Variants in CFI observed in about 807,000 individuals in gnomAD.
CFI encodes the protein C3B/C4B inactivator.
CFI carries 66 observed loss-of-function variants against 78.8 expected under a neutral mutation model. That is an observed-to-expected ratio of 0.84 (90% confidence interval 0.69 to 1.03). The LOEUF (loss-of-function observed/expected upper bound fraction) is 1.03. Ranked by LOEUF, CFI falls within the 50% of genes least tolerant of loss-of-function variation. The pLI is 0.00. For missense variants in CFI, 706 were observed against 704.5 expected (o/e 1.00, Z -0.02); for synonymous variants, 250 against 232.6 (o/e 1.07, Z -0.68).
chr4:109,763,888 C>T (rs1017138304), intron 3 of CFI, among the ~76,000 whole-genome samples: 2 of 150,620 alleles, frequency 1.3e-5, no homozygotes, highest in African/African-American at 4.9e-5. Flanking sequence ...AAGAAAACTT[C>T]TAAATTACAT....
chr4:109,777,919 G>A (rs1252610277), intron 1 of CFI, among the ~76,000 whole-genome samples: 1 of 152,142 alleles, frequency 6.6e-6, no homozygotes, highest in East Asian at 1.9e-4. Context: ...AAATAAAGAT[G>A]TTCTTTGAAA....
rs915916711 is a variant in CFI at position 109,745,305 on chromosome 4, C to G, written c.1429+917G>C. ...TCAAGTGATCCTCCCACTTCAGCCCCCCTCAACCTCCAGGAGCTGGGACTA... is the reference window on the plus strand; with the variant it reads ...TCAAGTGATCCTCCCACTTCAGCCCGCCTCAACCTCCAGGAGCTGGGACTA... On this transcript the variant is annotated intron_variant, in intron 11 of 12. Transcript: ENST00000394634. 3.9e-5 allele frequency among the ~76,000 whole-genome samples: 6 copies of G among 152,230 alleles called. No homozygotes were observed. The East Asian group carries it at 1.2e-3, about 29-fold the overall frequency.
chr4:109,744,473 A>G (rs1724175239), intron 11 of CFI, among the ~76,000 whole-genome samples: 1 of 152,144 alleles, frequency 6.6e-6, no homozygotes. Context: ...TTTTAGACAA[A>G]GAGGACCCTA....
At chr4:109,784,446 T>C (rs1393897399) in intron 1 of CFI, among the ~76,000 whole-genome samples, 1 of 152,050 alleles carries the variant, frequency 6.6e-6, no homozygotes, top group Non-Finnish European at 1.5e-5. Context: ...ATCATATACA[T>C]GCGCTTGATT....
At chr4:109,754,804 C>T (rs1705635473) in intron 7 of CFI, among the ~76,000 whole-genome samples, 1 of 152,056 alleles carries the variant, frequency 6.6e-6, no homozygotes, top group African/African-American at 2.4e-5. Flanking sequence ...ATTCAATGCC[C>T]AACAAAGGAA....
At chr4:109,753,686 A>ATC (rs1222962552) in intron 7 of CFI, among the ~76,000 whole-genome samples, 1 of 112,350 alleles carries the variant, frequency 8.9e-6, no homozygotes. Flanking sequence ...ATTATATATT[A>ATC]TATAATGTAT....
At chr4:109,733,947 A>G in the CFI span, among the ~76,000 whole-genome samples, 12 of 152,148 alleles carry the variant, frequency 7.9e-5, no homozygotes, top group Non-Finnish European at 1.5e-5. Flanking sequence ...AGGCTGGCAG[A>G]TCGCCTGAGT....
intron 1 of CFI, among the ~76,000 whole-genome samples, chr4:109,797,004 T>C (rs1328428278): frequency 2.0e-5 from 3 of 152,216 alleles, no homozygotes; most frequent in African/African-American, 4.8e-5. Context: ...CTATTACAAA[T>C]AATCTACAGA....
intron 1 of CFI, among the ~76,000 whole-genome samples, chr4:109,791,534 G>A (rs1173242247): frequency 6.6e-6 from 1 of 152,130 alleles, no homozygotes; most frequent in Non-Finnish European, 1.5e-5. Flanking sequence ...GTCCAGAATA[G>A]TATTGCCTAG....
chr4:109,770,070 T>G (rs530371474), intron 1 of CFI, among the ~76,000 whole-genome samples: 1 of 152,334 alleles, frequency 6.6e-6, no homozygotes, highest in South Asian at 2.1e-4. Context: ...GGGAAAACGC[T>G]ACCTCACTCT....
rs1350453849 is a variant in CFI at position 109,783,950 on chromosome 4, C to T, written c.58-17126G>A. Among the ~76,000 whole-genome samples, 8 of 151,244 alleles carry T rather than the reference C, an allele frequency of 5.3e-5. No individual in the cohort carries two copies. In the South Asian group the frequency reaches 6.2e-4, roughly 12 times the overall value. On this transcript the variant is annotated intron_variant, in intron 1 of 12. Coordinates refer to ENST00000394634, the MANE Select transcript of CFI (RefSeq NM_000204.5). ...AACTCAGGAATGGAAAACCAAATAT[C>T]GTACGTTCTCACTGATATGTGGAAG...
chr4:109,742,424 GGGA>G, intron 12 of CFI, 64 bp downstream of exon 12: 1 of 1,039,834 alleles, frequency 9.6e-7, no homozygotes, highest in Non-Finnish European at 1.5e-6. Flanking sequence ...CTGATGTGGT[GGGA>G]GGAGATGTTT....
chr4:109,800,193 G>C (rs563487531), intron 1 of CFI, among the ~76,000 whole-genome samples: 1 of 151,942 alleles, frequency 6.6e-6, no homozygotes, highest in African/African-American at 2.4e-5. Context: ...TCTCTAAAAT[G>C]CCACCCATAT....
intron 3 of CFI, 50 bp from the exon 4 acceptor site, chr4:109,761,742 A>C (rs771044419): frequency 1.4e-6 from 2 of 1,442,546 alleles, no homozygotes; most frequent in Non-Finnish European, 1.9e-6. Flanking sequence ...AGTACTTTGC[A>C]TTTATAACCC....
intron 1 of CFI, among the ~76,000 whole-genome samples, chr4:109,790,208 T>A (rs1228478391): frequency 6.6e-6 from 1 of 152,054 alleles, no homozygotes; most frequent in Non-Finnish European, 1.5e-5. Context: ...CTTTTTTCTT[T>A]CTCAGTTTAG....
At chr4:109,749,705 A>G (rs986440542) in intron 8 of CFI, 103 bp from the exon 9 acceptor site, 29 of 740,168 alleles carry the variant, frequency 3.9e-5, no homozygotes, top group East Asian at 1.0e-4. Context: ...AGTCACAGCC[A>G]GTACAAGACA....
At chr4:109,747,793 G>A (rs990628309) in intron 10 of CFI, among the ~76,000 whole-genome samples, 1 of 152,170 alleles carries the variant, frequency 6.6e-6, no homozygotes, top group African/African-American at 2.4e-5. Context: ...GGAAAACTCG[G>A]GGGAGGAGGG....
rs1307154248 is a variant in CFI, at chr4:109,766,797, C to T, written c.85G>A (p.Val29Met). The change falls in exon 2 of 13, where the codon GTG (valine) becomes ATG (methionine). Residue 29 changes from valine (V) to methionine (M), a missense_variant. By Grantham distance (21) the Val-to-Met change is conservative. Transcript: ENST00000394634. ...TTTTTTGCTAAGCACTTTTTCTCCA[C>T]CAGATCCTCTTGAGATGTATAAGTG... ...KVTYTSQEDLVEKKCLAKKYT... is the reference protein window; with the variant it reads ...KVTYTSQEDLMEKKCLAKKYT... 3 of 1,614,102 alleles carry T rather than the reference C, an allele frequency of 1.9e-6. No homozygotes were observed. Among genetic ancestry groups the T allele is most frequent in the South Asian group, 2.2e-5 (2 of 91,068 alleles).
At chr4:109,800,607 T>C (rs980447781) in intron 1 of CFI, among the ~76,000 whole-genome samples, 4 of 152,056 alleles carry the variant, frequency 2.6e-5, no homozygotes, top group African/African-American at 4.8e-5. Context: ...TCCCCTAGTT[T>C]CCTTGTCTGA....
Sources: allele counts gnomAD v4.1 joint callset (sites outside exome capture counted in the v4.1 genomes callset), GRCh38; gene constraint gnomAD v4.1.1; transcripts MANE v1.5; gene names NCBI Gene and HGNC (gene_info 2026-07-23, HGNC 2026-07-21).